The following CFAP20DC variants were observed in gnomAD, a reference collection of about 807,000 sequenced individuals.
CFAP20DC encodes protein CFAP20DC.
In CFAP20DC, 84 loss-of-function variants were observed where a neutral mutation model predicts 101.7. The ratio of observed to expected loss-of-function variants is 0.83; its 90% confidence interval spans 0.69 to 0.99. The LOEUF is 0.99. Ranked by LOEUF, CFAP20DC falls within the 50% of genes least tolerant of loss-of-function variation. The pLI is 0.00. For missense variants in CFAP20DC, 1,007 were observed against 970.3 expected (o/e 1.04, Z -0.50); for synonymous variants, 359 against 351.2 (o/e 1.02, Z -0.25).
Position 58,813,663 on chromosome 3 carries a change from C to G in CFAP20DC, c.2176-7207G>C, listed in dbSNP as rs1226942725. ...GGTGATGGGAATTCTTCAGAGTAAA[C>G]TGTCTTCCTCTATAAATTATCTCTT... On this transcript the variant is annotated intron_variant, in intron 14 of 16. Coordinates refer to ENST00000482387, the MANE Select transcript of CFAP20DC (RefSeq NM_001394063.1). Among the ~76,000 whole-genome samples the G allele has an allele frequency of 3.9e-5, 6 of 151,936 alleles. No individual in the cohort carries two copies. The East Asian group carries it at 7.7e-4, about 19-fold the overall frequency.
rs144854191 is a variant in CFAP20DC at position 58,769,770 on chromosome 3, C to A, written c.2238-15907G>T. 3.1e-4 allele frequency among the ~76,000 whole-genome samples: 47 copies of A among 152,170 alleles called. No homozygotes were observed. In the East Asian group the frequency reaches 8.5e-3, roughly 28 times the overall value. The stretch of plus-strand genomic sequence containing the variant: ...ATCACATCTCTACCATAGCAAAAGG[C>A]GGGAAACACGATGCATAAACAACTA... On this transcript the variant is annotated intron_variant, in intron 15 of 16. Transcript: ENST00000482387.
chr3:58,829,425 G>A (rs533297657), intron 14 of CFAP20DC, among the ~76,000 whole-genome samples: 6 of 151,654 alleles, frequency 4.0e-5, no homozygotes, highest in South Asian at 2.1e-4. Context: ...AGAAAGGCAT[G>A]AGCTCTCAAA....
chr3:58,775,745 CTTT>C (rs745494338), intron 15 of CFAP20DC, among the ~76,000 whole-genome samples: 2 of 133,698 alleles, frequency 1.5e-5, no homozygotes, highest in Admixed American at 7.5e-5. Context: ...CCTTTTCTGT[CTTT>C]TTTTTTTTTT....
At chr3:59,041,379 T>C (rs531022428) in intron 3 of CFAP20DC, among the ~76,000 whole-genome samples, 1 of 152,252 alleles carries the variant, frequency 6.6e-6, no homozygotes, top group Non-Finnish European at 1.5e-5. Flanking sequence ...AACGTTTCAC[T>C]TCTAAGATTA....
At chr3:59,046,113 A>G in intron 3 of CFAP20DC, 116 bp downstream of exon 3, 1 of 722,242 alleles carries the variant, frequency 1.4e-6, no homozygotes. Flanking sequence ...AAAAAATTCT[A>G]TCATCTTACA....
In CFAP20DC at chr3:59,001,536, C is replaced by T. The variant is rs373595975; in HGVS notation, c.278+38021G>A. 5.9e-5 allele frequency among the ~76,000 whole-genome samples: 9 copies of T among 152,126 alleles called. No homozygotes were observed. The highest frequency in any genetic ancestry group is 5.8e-4 in the East Asian group (3 of 5,180). ...AAGTGATTCTCCTGCCTCAGCCTCC[C>T]GAATAGCTGGGATTATAGGCATGCG... On this transcript the variant is annotated intron_variant, in intron 4 of 16. Transcript: ENST00000482387. This position sits in a 1 kb window ranked among gnomAD's most constrained non-coding sequence, Gnocchi z 4.5.
chr3:59,038,042 C>T (rs1359988654), intron 4 of CFAP20DC, among the ~76,000 whole-genome samples: 3 of 151,990 alleles, frequency 2.0e-5, no homozygotes, highest in Non-Finnish European at 4.4e-5. Context: ...AGCGAAACAC[C>T]ACATGTTCTC....
chr3:58,981,573 C>CT (rs1049835347), intron 4 of CFAP20DC, among the ~76,000 whole-genome samples: 1 of 152,334 alleles, frequency 6.6e-6, no homozygotes, highest in Admixed American at 6.5e-5. Flanking sequence ...ACCATCTGGT[C>CT]TTTGACAAAC....
rs530594702 is a variant in CFAP20DC at position 59,008,391 on chromosome 3, C to A, written c.278+31166G>T. On this transcript the variant is annotated intron_variant, in intron 4 of 16. Transcript: ENST00000482387. ...TCAAGGCTGGGACCTCAGCCCACCA[C>A]TGAGTATTACATCTACCCACCTGCC... Among the ~76,000 whole-genome samples the A allele has an allele frequency of 2.0e-3, 306 of 152,308 alleles. 1 individual carries two copies. Among genetic ancestry groups the A allele is most frequent in the African/African-American group, 7.1e-3 (293 of 41,560 alleles).
intron 4 of CFAP20DC, among the ~76,000 whole-genome samples, chr3:58,944,181 C>T (rs1387239658): frequency 6.8e-6 from 1 of 146,774 alleles, no homozygotes; most frequent in Non-Finnish European, 1.5e-5. Flanking sequence ...CTTACCCAAC[C>T]TAGCCAAGAC....
rs2082299287 is a variant in CFAP20DC, at chr3:58,892,049, A to G, written c.551-7340T>C. On this transcript the variant is annotated intron_variant, in intron 6 of 16. Transcript: ENST00000482387. This position sits in a 1 kb window ranked among gnomAD's most constrained non-coding sequence, Gnocchi z 4.0. ...GGGGTCCAGCTTCAATCTGATGCATATGGCTAACCAGTTATCCCAGCATCA... is the reference window on the plus strand; with the variant it reads ...GGGGTCCAGCTTCAATCTGATGCATGTGGCTAACCAGTTATCCCAGCATCA... Among the ~76,000 whole-genome samples, 1 of 152,244 alleles carries G rather than the reference A, an allele frequency of 6.6e-6. No individual in the cohort carries two copies. Among genetic ancestry groups the G allele is most frequent in the Non-Finnish European group, 1.5e-5 (1 of 68,044 alleles).
At chr3:58,765,591 T>C (rs1334708964) in intron 15 of CFAP20DC, among the ~76,000 whole-genome samples, 2 of 152,052 alleles carry the variant, frequency 1.3e-5, no homozygotes, top group African/African-American at 4.8e-5. Context: ...TCTACAATCT[T>C]GTATACATTT....
intron 2 of CFAP20DC, among the ~76,000 whole-genome samples, chr3:59,046,923 G>T (rs1449298266): frequency 6.6e-6 from 1 of 152,146 alleles, no homozygotes; most frequent in Non-Finnish European, 1.5e-5. Context: ...TACAGATACT[G>T]AAGTCATCTA....
chr3:58,920,480 A>G (rs1319991902), intron 5 of CFAP20DC, among the ~76,000 whole-genome samples: 3 of 152,126 alleles, frequency 2.0e-5, no homozygotes, highest in Non-Finnish European at 4.4e-5. Context: ...TAGGCTTTTC[A>G]CAAAGGCCCT....
chr3:58,733,057 C>G (rs567794769), intron 3 of CFAP20DC, among the ~76,000 whole-genome samples: 170 of 152,308 alleles, frequency 1.1e-3, no homozygotes, highest in African/African-American at 4.0e-3. Context: ...ATAGGGCAGG[C>G]GTGGTGGCTC....
chr3:58,963,190 T>TTGTGTGTGGG (rs1553746830), intron 4 of CFAP20DC, among the ~76,000 whole-genome samples: 2 of 118,184 alleles, frequency 1.7e-5, no homozygotes, highest in Non-Finnish European at 3.5e-5. Context: ...GTTCAGTAGT[T>TTGTGTGTGGG]TGTGTGTGTG....
At chr3:59,033,849 A>C (rs1407548450) in intron 4 of CFAP20DC, among the ~76,000 whole-genome samples, 1 of 152,292 alleles carries the variant, frequency 6.6e-6, no homozygotes, top group East Asian at 1.9e-4. Context: ...AATACAGAGA[A>C]CACCACAAAG....
intron 6 of CFAP20DC, 91 bp from the exon 7 acceptor site, chr3:58,884,800 AT>A: frequency 9.5e-7 from 1 of 1,053,232 alleles, no homozygotes; most frequent in Non-Finnish European, 1.4e-6. Context: ...AAAATTAAAG[AT>A]TTTAGCGTAT....
intron 4 of CFAP20DC, among the ~76,000 whole-genome samples, chr3:58,978,173 C>G (rs1355601831): frequency 6.6e-6 from 1 of 152,090 alleles, no homozygotes; most frequent in Admixed American, 6.5e-5. Flanking sequence ...TACCATTTAC[C>G]TTCCTTCCTA....
Sources: allele counts gnomAD v4.1 joint callset (sites outside exome capture counted in the v4.1 genomes callset), GRCh38; gene constraint gnomAD v4.1.1; non-coding constraint Gnocchi (gnomAD v3.1); transcripts MANE v1.5; gene names NCBI Gene and HGNC (gene_info 2026-07-23, HGNC 2026-07-21).